Variants in CRISP1 observed in about 807,000 individuals in gnomAD.
CRISP1 encodes the protein cysteine-rich secretory protein 1.
Under a neutral mutation model 33.1 loss-of-function variants are expected in CRISP1, and 44 were observed. The observed-to-expected ratio is 1.33, with a 90% CI of 1.05 to 1.71. The LOEUF (loss-of-function observed/expected upper bound fraction) is 1.71, where lower values mean the gene tolerates loss of function less well. Among genes scored for constraint, CRISP1 ranks in the 40% most tolerant of loss-of-function variants. The pLI is 0.00. For synonymous variants in CRISP1, 103 were observed against 98.7 expected (o/e 1.04, Z -0.26); for missense variants, 390 against 301.2 (o/e 1.29, Z -2.18).
In CRISP1 at chr6:49,846,668, T is replaced by C; in HGVS notation, c.287A>G (p.Asn96Ser). The change falls in exon 5 of 8, where the codon AAT (asparagine) becomes AGT (serine). Residue 96 changes from asparagine to serine, a missense_variant and splice_region_variant. By Grantham distance (46) the Asn-to-Ser change is conservative (BLOSUM62 1). Coordinates refer to ENST00000335847, the MANE Select transcript of CRISP1 (RefSeq NM_001131.3). ...ESNPLERRLP[N>S]TFCGENMHMT... Reference sequence around the variant, plus strand: ...ATGCATATTTTCTCCACAAAAGGTATCTGAAATGAGAAAACGGGCTGGGTC... The same window carrying C: ...ATGCATATTTTCTCCACAAAAGGTACCTGAAATGAGAAAACGGGCTGGGTC... 1 of 1,612,936 alleles carries C rather than the reference T, an allele frequency of 6.2e-7. No individual in the cohort carries two copies. Among genetic ancestry groups the C allele is most frequent in the Non-Finnish European group, 8.5e-7 (1 of 1,179,386 alleles).
At chr6:49,862,666 A>T (rs1274939866) in intron 1 of CRISP1, among the ~76,000 whole-genome samples, 2 of 152,096 alleles carry the variant, frequency 1.3e-5, no homozygotes, top group African/African-American at 4.8e-5. Context: ...ATATCCAATG[A>T]ATTCTGGTTG....
intron 1 of CRISP1, among the ~76,000 whole-genome samples, chr6:49,875,118 C>T (rs1772008125): frequency 1.3e-5 from 2 of 151,882 alleles, no homozygotes; most frequent in African/African-American, 4.8e-5. Flanking sequence ...GGAAGTCAAA[C>T]TCTTTGTTTG....
intron 1 of CRISP1, among the ~76,000 whole-genome samples, chr6:49,874,814 A>T (rs1772001385): frequency 6.6e-6 from 1 of 152,098 alleles, no homozygotes; most frequent in Admixed American, 6.6e-5. Flanking sequence ...TCACATGACT[A>T]TGTCAATAGA....
intron 2 of CRISP1, among the ~76,000 whole-genome samples, chr6:49,855,628 C>T (rs1167393742): frequency 1.3e-5 from 2 of 152,102 alleles, no homozygotes; most frequent in Non-Finnish European, 2.9e-5. Context: ...TGCCTGTTAC[C>T]TGATCACAAC....
At chr6:49,838,279 C>T (rs955865329) in intron 7 of CRISP1, among the ~76,000 whole-genome samples, 158 bp downstream of exon 7, 16 of 152,106 alleles carry the variant, frequency 1.1e-4, no homozygotes, top group African/African-American at 3.9e-4. Context: ...GGTTTTCAGT[C>T]ACTCTGGCAA....
rs1461857236 is a variant in CRISP1, at chr6:49,835,081, T to C, written c.*235A>G. ...AGTTGAATTATGCCAACTTAAAAAC[T>C]ATAAATCACATGATTTAAATTTAAG... On this transcript the variant is annotated 3_prime_UTR_variant, in exon 8 of 8. Transcript: ENST00000335847. 7.7e-6 allele frequency: 3 copies of C among 390,118 alleles called. No individual in the cohort carries two copies. The highest frequency in any genetic ancestry group is 6.0e-5 in the South Asian group (1 of 16,716). The allele number at this position is 390,118 out of a possible 1,614,324, so 24.2% of individuals were successfully genotyped here.
intron 5 of CRISP1, among the ~76,000 whole-genome samples, 196 bp from the exon 6 acceptor site, chr6:49,841,191 G>A (rs1472255775): frequency 6.6e-6 from 1 of 152,268 alleles, no homozygotes; most frequent in East Asian, 1.9e-4. Flanking sequence ...GCACATAGCT[G>A]CACACAATGG....
intron 1 of CRISP1, among the ~76,000 whole-genome samples, chr6:49,873,550 C>T (rs962637476): frequency 1.3e-5 from 2 of 152,022 alleles, no homozygotes; most frequent in Admixed American, 6.6e-5. Context: ...AATGGTTTCT[C>T]ACTATGCACA....
intron 1 of CRISP1, among the ~76,000 whole-genome samples, chr6:49,873,198 T>A (rs1199244188): frequency 6.6e-6 from 1 of 151,376 alleles, no homozygotes; most frequent in African/African-American, 2.4e-5. Flanking sequence ...TAAAATAAAA[T>A]AAAAAGGGAT....
intron 1 of CRISP1, among the ~76,000 whole-genome samples, chr6:49,857,709 A>G (rs962431332): frequency 6.6e-6 from 1 of 152,206 alleles, no homozygotes; most frequent in Non-Finnish European, 1.5e-5. Flanking sequence ...AGCTAACATT[A>G]AAGTAGGGAG....
In CRISP1 at chr6:49,835,066, T is replaced by C. The variant is rs1197364399; in HGVS notation, c.*250A>G. The C allele has an allele frequency of 5.8e-6, 2 of 343,926 alleles. No individual in the cohort carries two copies. Among genetic ancestry groups the C allele is most frequent in the East Asian group, 4.9e-5 (1 of 20,286 alleles). 21.3% of individuals were successfully genotyped at this position (343,926 alleles called of 1,614,324 possible). On this transcript the variant is annotated 3_prime_UTR_variant, in exon 8 of 8. Coordinates refer to ENST00000335847, the MANE Select transcript of CRISP1 (RefSeq NM_001131.3). ...CCCAGTTATACCATAAGTTGAATTA[T>C]GCCAACTTAAAAACTATAAATCACA...
rs371575556 is a variant in CRISP1, at chr6:49,839,963, C to G, written c.533+935G>C. Among the ~76,000 whole-genome samples, 78 of 152,204 alleles carry G rather than the reference C, an allele frequency of 5.1e-4. 1 individual carries two copies. In the South Asian group the frequency reaches 0.016, roughly 31 times the overall value. On this transcript the variant is annotated intron_variant, in intron 6 of 7. Coordinates refer to ENST00000335847, the MANE Select transcript of CRISP1 (RefSeq NM_001131.3). ...ATCATGTTCATTGATTTATACTGAA[C>G]ATTTTGTATTGTGCTACATACATGG...
intron 5 of CRISP1, among the ~76,000 whole-genome samples, chr6:49,845,615 C>A (rs1440315158): frequency 6.6e-6 from 1 of 151,904 alleles, no homozygotes; most frequent in Non-Finnish European, 1.5e-5. Flanking sequence ...TCCAGTAATT[C>A]CTCTCCTTGG....
At chr6:49,838,411 A>G in intron 7 of CRISP1, 26 bp downstream of exon 7, 1 of 1,569,464 alleles carries the variant, frequency 6.4e-7, no homozygotes, top group East Asian at 2.2e-5. Flanking sequence ...GTTAACTGTA[A>G]ACAAACAGAA....
Position 49,842,428 on chromosome 6 carries a change from A to T in CRISP1, c.436-1433T>A, listed in dbSNP as rs977710540. Among the ~76,000 whole-genome samples, 8 of 152,336 alleles carry T rather than the reference A, an allele frequency of 5.3e-5. No homozygotes were observed. The East Asian group carries it at 1.2e-3, about 22-fold the overall frequency. On this transcript the variant is annotated intron_variant, in intron 5 of 7. Transcript: ENST00000335847. ...TTCATTTATTCTTTTAACTCATAGC[A>T]AAGAAAAATTGAAAATGAAACTTTT...
chr6:49,876,218 G>A (rs1340030581), intron 1 of CRISP1, among the ~76,000 whole-genome samples: 3 of 151,856 alleles, frequency 2.0e-5, no homozygotes, highest in South Asian at 2.1e-4. Context: ...ACCAATAAAG[G>A]TGGGCAAAGA....
chr6:49,862,966 A>C (rs1229615891), intron 1 of CRISP1, among the ~76,000 whole-genome samples: 1 of 152,152 alleles, frequency 6.6e-6, no homozygotes, highest in Admixed American at 6.6e-5. Context: ...AGGATTGAAT[A>C]CAGGAAATTA....
intron 3 of CRISP1, among the ~76,000 whole-genome samples, chr6:49,848,800 C>T (rs1289324778): frequency 6.6e-6 from 1 of 151,994 alleles, no homozygotes; most frequent in Non-Finnish European, 1.5e-5. Context: ...AGTCATATTT[C>T]CATCTAAAAT....
chr6:49,866,498 GC>G lies in CRISP1; in HGVS notation c.-73del. The G allele has an allele frequency of 6.6e-6, 1 of 152,060 alleles. No individual in the cohort carries two copies. The highest frequency in any genetic ancestry group is 1.9e-4 in the East Asian group (1 of 5,186). The allele number at this position is 152,060 out of a possible 1,614,324, so 9.4% of individuals were successfully genotyped here. A position where few individuals can be genotyped will look rare whatever the true frequency, so the allele number is the denominator to read the frequency against. Reference sequence around the variant, plus strand: ...GCCTTTCTCTATGTAGTGTATTTGTGCTTTTAAATGACAGTCCACAGGGGAG... The same window carrying G: ...GCCTTTCTCTATGTAGTGTATTTGTGTTTTAAATGACAGTCCACAGGGGAG... On this transcript the variant is annotated 5_prime_UTR_variant, in exon 1 of 8. Transcript: ENST00000335847.
Sources: allele counts gnomAD v4.1 joint callset (sites outside exome capture counted in the v4.1 genomes callset), GRCh38; gene constraint gnomAD v4.1.1; transcripts MANE v1.5; gene names NCBI Gene and HGNC (gene_info 2026-07-23, HGNC 2026-07-21).